ZNF704: variants seen among roughly 807,000 people sequenced by gnomAD.
ZNF704 encodes glucocorticoid induced gene 1.
A neutral mutation model predicts 44.7 loss-of-function variants in ZNF704; 10 were observed. That is an observed-to-expected ratio of 0.22 (90% CI 0.14 to 0.38). The LOEUF is 0.38. ZNF704 is among the 10% of genes least tolerant of loss of function. ZNF704 has a pLI of 1.00. For synonymous variants in ZNF704, 211 were observed against 207.6 expected (o/e 1.02, Z -0.14); for missense variants, 390 against 545.5 (o/e 0.71, Z 2.84).
At chr8:80,870,374 A>C (rs1809231563) in intron 1 of ZNF704, among the ~76,000 whole-genome samples, 1 of 152,180 alleles carries the variant, frequency 6.6e-6, no homozygotes, top group Non-Finnish European at 1.5e-5. Context: ...AACTTGTCAA[A>C]AGAGTTTTTC....
At chr8:80,780,975 T>C (rs938881163) in intron 2 of ZNF704, among the ~76,000 whole-genome samples, 2 of 152,186 alleles carry the variant, frequency 1.3e-5, no homozygotes, top group African/African-American at 4.8e-5. Flanking sequence ...GAGAAGTGCT[T>C]AGAAACTGAT....
intron 1 of ZNF704, among the ~76,000 whole-genome samples, chr8:80,824,870 A>C (rs1808345054): frequency 6.6e-6 from 1 of 152,230 alleles, no homozygotes; most frequent in Non-Finnish European, 1.5e-5. Flanking sequence ...AAACAAACAA[A>C]TGCTGAGAGA....
At chr8:80,677,447 A>C (rs941208480) in intron 4 of ZNF704, among the ~76,000 whole-genome samples, 3 of 152,200 alleles carry the variant, frequency 2.0e-5, no homozygotes, top group African/African-American at 7.2e-5. Context: ...TTTTGGAGGC[A>C]TCAAACCCCC....
At chr8:80,723,368 C>A (rs758612177) in intron 2 of ZNF704, among the ~76,000 whole-genome samples, 13 of 151,952 alleles carry the variant, frequency 8.6e-5, no homozygotes, top group Non-Finnish European at 1.2e-4. Context: ...AAACGTTAAA[C>A]CGTCAGGATT....
chr8:80,845,624 C>T (rs1338710336), intron 1 of ZNF704, among the ~76,000 whole-genome samples: 1 of 152,176 alleles, frequency 6.6e-6, no homozygotes, highest in African/African-American at 2.4e-5. Context: ...CAGTAAGAAG[C>T]TATCCGCAGA....
chr8:80,788,395 C>G (rs1421398751), intron 2 of ZNF704, among the ~76,000 whole-genome samples: 3 of 152,182 alleles, frequency 2.0e-5, no homozygotes, highest in Non-Finnish European at 4.4e-5. Context: ...CCCTTTCTTT[C>G]TAACAGAATG....
At chr8:80,680,319 G>GA (rs1818433088) in intron 4 of ZNF704, among the ~76,000 whole-genome samples, 1 of 151,948 alleles carries the variant, frequency 6.6e-6, no homozygotes, top group Admixed American at 6.5e-5. Context: ...TCAGCAGCCT[G>GA]GAGTTAACGT....
At chr8:80,772,149 G>C (rs1034272680) in intron 2 of ZNF704, among the ~76,000 whole-genome samples, 2 of 152,086 alleles carry the variant, frequency 1.3e-5, no homozygotes, top group African/African-American at 2.4e-5. Flanking sequence ...TGAATCTGTA[G>C]CCATAAGGGA....
intron 2 of ZNF704, among the ~76,000 whole-genome samples, chr8:80,741,301 A>G (rs1237107871): frequency 1.3e-5 from 2 of 152,224 alleles, no homozygotes; most frequent in Non-Finnish European, 2.9e-5. Flanking sequence ...CCCAGTGTTA[A>G]GCTTGCCAAC....
At chr8:80,777,485 T>C (rs528969607) in intron 2 of ZNF704, among the ~76,000 whole-genome samples, 2 of 152,282 alleles carry the variant, frequency 1.3e-5, no homozygotes, top group South Asian at 4.2e-4. Context: ...TCCTTCACCT[T>C]CAGTCACCAA....
chr8:80,879,903 C>T, the ZNF704 span, among the ~76,000 whole-genome samples: 1 of 152,126 alleles, frequency 6.6e-6, no homozygotes, highest in Non-Finnish European at 1.5e-5. Context: ...TCAGTAACTG[C>T]AATCCTACTC....
chr8:80,837,726 G>C (rs1808605821), intron 1 of ZNF704, among the ~76,000 whole-genome samples: 1 of 152,140 alleles, frequency 6.6e-6, no homozygotes, highest in Non-Finnish European at 1.5e-5. Flanking sequence ...ATTTTATGCA[G>C]ATGGAATTTG....
At chr8:80,876,905 G>A (rs917681247), upstream of ZNF704, among the ~76,000 whole-genome samples, 27 of 152,166 alleles carry the variant, frequency 1.8e-4, no homozygotes, top group African/African-American at 6.0e-4. Flanking sequence ...CTTGTCATCG[G>A]AGGACCATGG....
chr8:80,862,822 C>T (rs1308950305), intron 1 of ZNF704, among the ~76,000 whole-genome samples: 1 of 148,624 alleles, frequency 6.7e-6, no homozygotes, highest in Non-Finnish European at 1.5e-5. Flanking sequence ...TGTTGTCACT[C>T]AGCAGATGGC....
intron 2 of ZNF704, among the ~76,000 whole-genome samples, chr8:80,775,100 C>T (rs1257161080): frequency 6.6e-6 from 1 of 152,092 alleles, no homozygotes; most frequent in Non-Finnish European, 1.5e-5. Context: ...TGGAAATCTC[C>T]TACTCAGCTA....
chr8:80,851,828 T>C (rs147153493), intron 1 of ZNF704, among the ~76,000 whole-genome samples: 1 of 152,218 alleles, frequency 6.6e-6, no homozygotes, highest in Non-Finnish European at 1.5e-5. Context: ...GGTTCCTGAC[T>C]GCAGTTTTTG....
intron 4 of ZNF704, among the ~76,000 whole-genome samples, chr8:80,684,005 T>C (rs552079428): frequency 1.3e-5 from 2 of 152,328 alleles, no homozygotes; most frequent in South Asian, 2.1e-4. Flanking sequence ...AGTCCTCAAA[T>C]GTCTATTAAA....
chr8:80,745,143 C>T (rs1244074307), intron 2 of ZNF704, among the ~76,000 whole-genome samples: 1 of 152,134 alleles, frequency 6.6e-6, no homozygotes, highest in Non-Finnish European at 1.5e-5. Flanking sequence ...CTTAGTTTCG[C>T]TGTAAATATA....
rs576438048 is a variant in ZNF704 at position 80,699,679 on chromosome 8, G to C, written c.222-6572C>G. Among the ~76,000 whole-genome samples the C allele has an allele frequency of 5.9e-5, 9 of 152,292 alleles. No individual in the cohort carries two copies. In the East Asian group the frequency reaches 1.7e-3, roughly 29 times the overall value. Reference sequence around the variant, plus strand: ...TGGCTCAACATGGCTGTAACAAAGAGCTTGCAGACTGGCACTGGCCCATGG... The same window carrying C: ...TGGCTCAACATGGCTGTAACAAAGACCTTGCAGACTGGCACTGGCCCATGG... On this transcript the variant is annotated intron_variant, in intron 2 of 8. Coordinates refer to ENST00000327835, the MANE Select transcript of ZNF704 (RefSeq NM_001033723.3).
Sources: gnomAD v4.1 joint callset for allele counts (sites outside exome capture counted in the v4.1 genomes callset) on GRCh38, gnomAD v4.1.1 for gene constraint, MANE v1.5 for transcripts, NCBI Gene and HGNC (gene_info 2026-07-23, HGNC 2026-07-21) for gene names.